The following RANBP2 variants were observed in gnomAD, a reference collection of about 807,000 sequenced individuals.
RANBP2 encodes E3 SUMO-protein ligase RanBP2.
A neutral mutation model predicts 303.6 loss-of-function variants in RANBP2; 57 were observed. The observed-to-expected ratio is 0.19, with a 90% CI of 0.15 to 0.23. The LOEUF (loss-of-function observed/expected upper bound fraction) is 0.23, where lower values mean the gene tolerates loss of function less well. Ranked by LOEUF, RANBP2 falls within the 10% of genes least tolerant of loss-of-function variation. The pLI is 1.00. For missense variants in RANBP2, 3,138 were observed against 3,780.8 expected (o/e 0.83, Z 4.46); for synonymous variants, 1,167 against 1,301.5 (o/e 0.90, Z 2.23).
the RANBP2 span, among the ~76,000 whole-genome samples, chr2:109,192,504 G>GAGTA: frequency 6.6e-6 from 1 of 152,214 alleles, no homozygotes; most frequent in South Asian, 2.1e-4. Flanking sequence ...TGTTGGATCA[G>GAGTA]AGTAAGCCTT....
At chr2:109,684,818 G>A in the RANBP2 span, among the ~76,000 whole-genome samples, 3,465 of 149,372 alleles carry the variant, frequency 0.023, 372 homozygotes, top group East Asian at 0.33. Flanking sequence ...TACAGGCAGA[G>A]CCACTGTGCC....
the RANBP2 span, among the ~76,000 whole-genome samples, chr2:108,939,269 C>T: frequency 6.6e-6 from 1 of 152,124 alleles, no homozygotes; most frequent in African/African-American, 2.4e-5. Flanking sequence ...CCTCCGCAAC[C>T]TCCGCCTCCC....
At chr2:108,960,529 G>A in the RANBP2 span, among the ~76,000 whole-genome samples, 1 of 152,232 alleles carries the variant, frequency 6.6e-6, no homozygotes, top group Non-Finnish European at 1.5e-5. Flanking sequence ...ACCTGTCTCT[G>A]CTGCCCCGTC....
chr2:109,025,561 A>C, the RANBP2 span, among the ~76,000 whole-genome samples: 2 of 152,188 alleles, frequency 1.3e-5, no homozygotes, highest in Non-Finnish European at 2.9e-5. Flanking sequence ...TAATCCCAGC[A>C]CTTTGGGAGG....
the RANBP2 span, among the ~76,000 whole-genome samples, chr2:109,450,215 G>A: frequency 6.6e-5 from 10 of 152,020 alleles, no homozygotes; most frequent in South Asian, 4.1e-4. Flanking sequence ...GCATGGTGGC[G>A]TGCGCCTGTA....
the RANBP2 span, chr2:108,804,777 A>G: frequency 5.3e-4 from 541 of 1,027,394 alleles, 2 homozygotes; most frequent in African/African-American, 8.0e-3. Flanking sequence ...TACACTGATT[A>G]AAGTTTTTGT....
the RANBP2 span, among the ~76,000 whole-genome samples, chr2:108,921,637 C>T: frequency 0.74 from 113,147 of 151,990 alleles, 44,130 homozygotes; most frequent in East Asian, 0.92. Flanking sequence ...TTTCTAGCTC[C>T]GACGTTTTTG....
At chr2:109,349,893 A>AC in the RANBP2 span, among the ~76,000 whole-genome samples, 1 of 152,260 alleles carries the variant, frequency 6.6e-6, no homozygotes, top group Non-Finnish European at 1.5e-5. Context: ...ACAAGAGGAC[A>AC]AAGGGCACCT....
At chr2:109,165,873 G>T in the RANBP2 span, among the ~76,000 whole-genome samples, 1 of 152,232 alleles carries the variant, frequency 6.6e-6, no homozygotes, top group Non-Finnish European at 1.5e-5. Flanking sequence ...CGTGTGCCCA[G>T]GCTGGATGCC....
At chr2:108,898,038 GC>G in the RANBP2 span, among the ~76,000 whole-genome samples, 1 of 152,252 alleles carries the variant, frequency 6.6e-6, no homozygotes, top group African/African-American at 2.4e-5. Context: ...GACAAAAACA[GC>G]CCCAACAAAA....
the RANBP2 span, among the ~76,000 whole-genome samples, chr2:109,666,524 T>C: frequency 4.7e-3 from 710 of 152,334 alleles, 2 homozygotes; most frequent in Non-Finnish European, 6.7e-3. Flanking sequence ...ATTTTGATTA[T>C]CTTAATTCAT....
chr2:108,755,902 T>G (rs1019884615), intron 17 of RANBP2, among the ~76,000 whole-genome samples: 1 of 152,082 alleles, frequency 6.6e-6, no homozygotes, highest in African/African-American at 2.4e-5. Context: ...TTTTGTATGT[T>G]TAGTAGACAC....
At chr2:108,783,079 C>T (rs1345373466) in intron 28 of RANBP2, among the ~76,000 whole-genome samples, 1 of 152,050 alleles carries the variant, frequency 6.6e-6, no homozygotes, top group Non-Finnish European at 1.5e-5. Flanking sequence ...TGACTCATAC[C>T]TGTAATTCCA....
chr2:109,269,065 A>C, the RANBP2 span, among the ~76,000 whole-genome samples: 45 of 152,258 alleles, frequency 3.0e-4, no homozygotes, highest in Admixed American at 5.9e-4. Context: ...CTTGTCCCGC[A>C]CTGTGCTCTG....
the RANBP2 span, among the ~76,000 whole-genome samples, chr2:109,471,476 G>A: frequency 6.6e-6 from 1 of 152,192 alleles, no homozygotes; most frequent in Non-Finnish European, 1.5e-5. Flanking sequence ...CTGCCCCCGT[G>A]ATCTAGTCCC....
At chr2:109,128,692 C>G in the RANBP2 span, 3 of 169,880 alleles carry the variant, frequency 1.8e-5, no homozygotes, top group African/African-American at 7.2e-5. Flanking sequence ...CCCCAAGCTG[C>G]TCGCCGGCGC....
chr2:109,101,037 G>A, the RANBP2 span, among the ~76,000 whole-genome samples: 2 of 152,112 alleles, frequency 1.3e-5, no homozygotes, highest in Non-Finnish European at 1.5e-5. Context: ...CTACACCCTT[G>A]TTATAATTTC....
chr2:109,403,568 A>G, the RANBP2 span, among the ~76,000 whole-genome samples: 2 of 152,216 alleles, frequency 1.3e-5, no homozygotes, highest in Non-Finnish European at 2.9e-5. Flanking sequence ...GGCTGACCTC[A>G]GGCCAAAGGA....
the RANBP2 span, among the ~76,000 whole-genome samples, chr2:109,249,235 G>C: frequency 2.0e-5 from 3 of 152,178 alleles, no homozygotes; most frequent in Admixed American, 6.5e-5. Flanking sequence ...CTCCTACCCT[G>C]TTCTTTCTTC....
Sources: gnomAD v4.1 joint callset for allele counts (sites outside exome capture counted in the v4.1 genomes callset) on GRCh38, gnomAD v4.1.1 for gene constraint, MANE v1.5 for transcripts, NCBI Gene and HGNC (gene_info 2026-07-23, HGNC 2026-07-21) for gene names.